The following CLCN5 variants were observed in gnomAD, a reference collection of about 807,000 sequenced individuals.
CLCN5 encodes the protein Cl-/H+ antiporter 5, also known as H(+)/Cl(-) exchange transporter 5.
Under a neutral mutation model 54.0 loss-of-function variants are expected in CLCN5, and 17 were observed. That is an observed-to-expected ratio of 0.31 (90% CI 0.22 to 0.47). The LOEUF is 0.47. CLCN5 is among the 20% of genes least tolerant of loss of function. The probability of loss-of-function intolerance (pLI) is 1.00; values close to 1 mark genes in which losing one functional copy is unlikely to be tolerated. For synonymous variants in CLCN5, 222 were observed against 233.0 expected, an observed-to-expected ratio of 0.95 and a Z score of 0.43; for missense variants, 448 against 646.7, an observed-to-expected ratio of 0.69 and a Z score of 3.33.
intron 3 of CLCN5, among the ~76,000 whole-genome samples, chrX:50,027,675 T>C (rs1432308747): frequency 9.0e-6 from 1 of 111,598 alleles, no homozygotes; most frequent in Admixed American, 9.5e-5. Context: ...ATTGCTGTTA[T>C]AATAATTCCA....
At chrX:50,084,133 C>T (rs1426409911) in intron 9 of CLCN5, among the ~76,000 whole-genome samples, 1 of 111,846 alleles carries the variant, frequency 8.9e-6, no homozygotes, top group Admixed American at 9.5e-5. Context: ...ATGGTCTAGC[C>T]TACTACACAC....
chrX:49,999,110 C>T (rs182244619), intron 3 of CLCN5, among the ~76,000 whole-genome samples: 1 of 110,223 alleles, frequency 9.1e-6, no homozygotes, highest in Non-Finnish European at 1.9e-5. Flanking sequence ...ATGGGACACC[C>T]TCCCCACCCC....
At position 49,945,732 on chromosome X, in the gene CLCN5, G is replaced by A. The variant is rs782586321; in HGVS notation, c.16+20418G>A. On this transcript the variant is annotated intron_variant, in intron 3 of 14. Coordinates refer to ENST00000376091, the MANE Select transcript of CLCN5 (RefSeq NM_001127898.4). ...GCCTCCCAAGGTGCTGGCATTACAG[G>A]CATGAGCCACCGTGCCCGGCCGCCC... 4.3e-4 allele frequency among the ~76,000 whole-genome samples: 44 copies of A among 102,300 alleles called. No individual in the cohort carries two copies. The South Asian group carries it at 4.3e-3, about 10-fold the overall frequency. 88.8% of individuals were successfully genotyped at this position (102,300 alleles called of 115,157 possible).
rs1476506032 is a variant in CLCN5, at chrX:49,962,390, T to C, written c.16+37076T>C. Reference sequence around the variant, plus strand: ...ATGGCTACTGCTTTCTTATCAATGATGCTTCAAGACCCACTTGGCTCTTCC... The same window carrying C: ...ATGGCTACTGCTTTCTTATCAATGACGCTTCAAGACCCACTTGGCTCTTCC... On this transcript the variant is annotated intron_variant, in intron 3 of 14. Coordinates refer to ENST00000376091, the MANE Select transcript of CLCN5 (RefSeq NM_001127898.4). 1.2e-4 allele frequency among the ~76,000 whole-genome samples: 13 copies of C among 111,676 alleles called. No homozygotes were observed. The Admixed American group carries it at 1.2e-3, about 11-fold the overall frequency.
chrX:50,002,953 G>A (rs1255539845), intron 3 of CLCN5, among the ~76,000 whole-genome samples: 1 of 111,197 alleles, frequency 9.0e-6, no homozygotes, highest in Non-Finnish European at 1.9e-5. Context: ...ATACTATACT[G>A]GTGTTAGGAA....
At chrX:50,040,644 A>G (rs1487442773) in intron 3 of CLCN5, among the ~76,000 whole-genome samples, 1 of 112,127 alleles carries the variant, frequency 8.9e-6, no homozygotes, top group African/African-American at 3.2e-5. Context: ...AGTAATTAGC[A>G]TATCCATTAC....
intron 3 of CLCN5, among the ~76,000 whole-genome samples, chrX:49,946,514 T>C (rs1048268328): frequency 4.5e-5 from 5 of 112,177 alleles, no homozygotes; most frequent in Admixed American, 3.8e-4. Flanking sequence ...CCATAGGCAG[T>C]TCATATAACA....
rs782429482 is a variant in CLCN5, at chrX:49,991,072, CAGT to C, written c.17-51240_17-51238del. On this transcript the variant is annotated intron_variant, in intron 3 of 14. Coordinates refer to ENST00000376091, the MANE Select transcript of CLCN5 (RefSeq NM_001127898.4). ...ACTTCTTTTCCTCTGGGTAGATACT[CAGT>C]AGTGGGATTGCTGGATCAAATGGTA... Among the ~76,000 whole-genome samples the C allele has an allele frequency of 1.6e-4, 18 of 112,267 alleles. No individual in the cohort carries two copies. In the East Asian group the frequency reaches 3.6e-3, roughly 23 times the overall value.
chrX:49,958,114 C>T (rs1485271197), intron 3 of CLCN5, among the ~76,000 whole-genome samples: 3 of 111,647 alleles, frequency 2.7e-5, no homozygotes, highest in Admixed American at 9.5e-5. Context: ...TTTATATAGC[C>T]ACATCCCTTC....
At chrX:50,035,815 T>C (rs1931968496) in intron 3 of CLCN5, among the ~76,000 whole-genome samples, 1 of 112,650 alleles carries the variant, frequency 8.9e-6, no homozygotes, top group Admixed American at 9.4e-5. Flanking sequence ...AACCAGCTTA[T>C]AATTTTAAGC....
chrX:49,941,677 A>G (rs1393858979), intron 3 of CLCN5, among the ~76,000 whole-genome samples: 1 of 110,993 alleles, frequency 9.0e-6, no homozygotes, highest in Non-Finnish European at 1.9e-5. Context: ...ACTGCAAACC[A>G]AACTCCAGGC....
At chrX:49,924,896 C>T (rs781892078) in intron 2 of CLCN5, among the ~76,000 whole-genome samples, 1 of 112,074 alleles carries the variant, frequency 8.9e-6, no homozygotes, top group Non-Finnish European at 1.9e-5. Context: ...AGGTGCTTAA[C>T]GGTGATTTCA....
chrX:50,002,719 T>TG (rs1266614073), intron 3 of CLCN5, among the ~76,000 whole-genome samples: 16 of 101,590 alleles, frequency 1.6e-4, no homozygotes, highest in African/African-American at 6.1e-4. Context: ...GTGTGTGTGG[T>TG]GTGTGTGTGG....
At chrX:50,077,616 G>GAA (rs1933468293) in intron 7 of CLCN5, among the ~76,000 whole-genome samples, 1 of 96,317 alleles carries the variant, frequency 1.0e-5, no homozygotes, top group Non-Finnish European at 2.1e-5. Flanking sequence ...GAGAGAGAGA[G>GAA]AGAGAGTGTG....
chrX:49,936,019 T>C (rs1223476693), intron 3 of CLCN5, among the ~76,000 whole-genome samples: 1 of 111,168 alleles, frequency 9.0e-6, no homozygotes, highest in African/African-American at 3.3e-5. Flanking sequence ...GCTCATTGAA[T>C]CTTTCTTTAA....
At chrX:49,994,595 C>T (rs1010694223) in intron 3 of CLCN5, among the ~76,000 whole-genome samples, 1 of 111,389 alleles carries the variant, frequency 9.0e-6, no homozygotes, top group African/African-American at 3.3e-5. Context: ...GCCCATTTGC[C>T]ATGCAAAGTT....
In CLCN5 at chrX:49,925,268, T is replaced by G; in HGVS notation, c.-31T>G. The G allele has an allele frequency of 8.3e-7, 1 of 1,208,023 alleles. No homozygotes were observed. The highest frequency in any genetic ancestry group is 1.1e-6 in the Non-Finnish European group (1 of 891,966). ...GAGAGGCTCTGGGAAACTCAGCCTG[T>G]GACCCCAGCGTGGGTGAAGATAGGA... On this transcript the variant is annotated 5_prime_UTR_variant, in exon 3 of 15. Transcript: ENST00000376091.
rs920970896 is a variant in CLCN5 at position 50,095,260 on chromosome X, A to G, written c.*3041A>G. ...AAACTGCTATATTTTGTATCTTCAAATCTTCAATATAAAGAATTTAAAGAA... is the reference window on the plus strand; with the variant it reads ...AAACTGCTATATTTTGTATCTTCAAGTCTTCAATATAAAGAATTTAAAGAA... On this transcript the variant is annotated 3_prime_UTR_variant, in exon 15 of 15. Transcript: ENST00000376091. 1.2e-4 allele frequency: 14 copies of G among 112,530 alleles called. No homozygotes were observed. The highest frequency in any genetic ancestry group is 2.9e-4 in the African/African-American group (9 of 30,988). 9.3% of individuals were successfully genotyped at this position (112,530 alleles called of 1,213,427 possible).
rs565084198 is a variant in CLCN5, at chrX:50,049,027, T to A, written c.163+6565T>A. Among the ~76,000 whole-genome samples, 4 of 111,267 alleles carry A rather than the reference T, an allele frequency of 3.6e-5. No homozygotes were observed. The East Asian group carries it at 8.5e-4, about 24-fold the overall frequency. ...TAATCTATTACCACATGGATCACTC[T>A]AGCCTCCTCCCTTTGCTTGTCTATA... On this transcript the variant is annotated intron_variant, in intron 4 of 14. Coordinates refer to ENST00000376091, the MANE Select transcript of CLCN5 (RefSeq NM_001127898.4).
Sources: allele counts gnomAD v4.1 joint callset (sites outside exome capture counted in the v4.1 genomes callset), GRCh38; gene constraint gnomAD v4.1.1; transcripts MANE v1.5; gene names NCBI Gene and HGNC (gene_info 2026-07-23, HGNC 2026-07-21).